Variants in MERTK observed in about 807,000 individuals in gnomAD.
MERTK encodes the protein MER proto-oncogene, tyrosine kinase.
In MERTK, 69 loss-of-function variants were observed where a neutral mutation model predicts 99.3. The ratio of observed to expected loss-of-function variants is 0.70; its 90% confidence interval spans 0.57 to 0.85. The LOEUF is 0.85. MERTK is among the 40% of genes least tolerant of loss of function. The pLI, the probability that MERTK is intolerant of heterozygous loss-of-function variation, is 0.00. For missense variants in MERTK, 1,125 were observed against 1,249.4 expected (o/e 0.90, Z 1.50); for synonymous variants, 426 against 467.6 (o/e 0.91, Z 1.15).
rs1459219486 is a variant in MERTK at position 111,994,245 on chromosome 2, C to T, written c.1297-6C>T. The T allele has an allele frequency of 1.2e-6, 2 of 1,613,624 alleles. No homozygotes were observed. The highest frequency in any genetic ancestry group is 2.7e-5 in the African/African-American group (2 of 74,898). On this transcript the variant is annotated splice_polypyrimidine_tract_variant and splice_region_variant and intron_variant, in intron 8 of 18. Coordinates refer to ENST00000295408, the MANE Select transcript of MERTK (RefSeq NM_006343.3). ...TTTCATTTCCTCTCTTCCTCTCTGT[C>T]TCCAGAAAGAGCTCTTGGAGGAAGT...
chr2:111,912,469 A>C (rs1400321), intron 1 of MERTK, among the ~76,000 whole-genome samples: 102,337 of 152,018 alleles, frequency 0.67, 35,546 homozygotes, highest in East Asian at 0.89. Flanking sequence ...ATAGGTATCA[A>C]AACCCCTATC....
chr2:111,907,046 G>A (rs1573560527), intron 1 of MERTK, among the ~76,000 whole-genome samples: 1 of 152,154 alleles, frequency 6.6e-6, no homozygotes, highest in Non-Finnish European at 1.5e-5. Flanking sequence ...AGCCCTGTGC[G>A]TGACTCTCGG....
intron 2 of MERTK, among the ~76,000 whole-genome samples, chr2:111,944,291 CAG>C (rs1684916958): frequency 1.0e-5 from 1 of 99,338 alleles, no homozygotes; most frequent in Non-Finnish European, 1.8e-5. Context: ...CAGAGTGAGA[CAG>C]AATCTGTCTC....
chr2:111,961,156 C>CTTTTTTTTTTTTTTTTTT (rs1052197732), intron 4 of MERTK, among the ~76,000 whole-genome samples: 1 of 98,082 alleles, frequency 1.0e-5, no homozygotes, highest in Non-Finnish European at 2.0e-5. Flanking sequence ...AATTTTCTTT[C>CTTTTTTTTTTTTTTTTTT]TTTTTTTTTT....
At chr2:111,973,246 G>A (rs1306690494) in intron 6 of MERTK, among the ~76,000 whole-genome samples, 2 of 152,084 alleles carry the variant, frequency 1.3e-5, no homozygotes, top group African/African-American at 2.4e-5. Flanking sequence ...GAAGTGGGGC[G>A]GGGAGGAGAG....
At chr2:111,944,770 T>C (rs968868742) in intron 2 of MERTK, among the ~76,000 whole-genome samples, 190 bp from the exon 3 acceptor site, 3 of 152,186 alleles carry the variant, frequency 2.0e-5, no homozygotes, top group Non-Finnish European at 4.4e-5. Context: ...GCTAGTGACA[T>C]GTGAAAAGTA....
At chr2:111,974,226 T>TAAAAA (rs71385852) in intron 6 of MERTK, among the ~76,000 whole-genome samples, 1 of 58,160 alleles carries the variant, frequency 1.7e-5, no homozygotes, top group African/African-American at 7.1e-5. Flanking sequence ...CCACCTCTAC[T>TAAAAA]AAAAAAAAAA....
At chr2:111,913,663 C>T (rs1463637093) in intron 1 of MERTK, among the ~76,000 whole-genome samples, 1 of 152,168 alleles carries the variant, frequency 6.6e-6, no homozygotes, top group Non-Finnish European at 1.5e-5. Context: ...TGTGCCTCAG[C>T]CTCTGGAGTA....
chr2:111,978,443 C>A (rs2104736956), intron 7 of MERTK, among the ~76,000 whole-genome samples: 1 of 145,312 alleles, frequency 6.9e-6, no homozygotes, highest in Admixed American at 6.8e-5. Context: ...CCACACCCAG[C>A]ATGTTTTTTG....
chr2:111,956,254 T>C (rs1685146924), intron 4 of MERTK, among the ~76,000 whole-genome samples: 1 of 152,168 alleles, frequency 6.6e-6, no homozygotes, highest in African/African-American at 2.4e-5. Flanking sequence ...ACATAAAACA[T>C]TTATGAGGTT....
At chr2:112,002,693 G>A (rs1209256576) in intron 11 of MERTK, among the ~76,000 whole-genome samples, 1 of 152,170 alleles carries the variant, frequency 6.6e-6, no homozygotes, top group Non-Finnish European at 1.5e-5. Flanking sequence ...GAAAAAAGGG[G>A]CCGGCTATGG....
chr2:112,019,338 C>CA (rs1400800200), intron 15 of MERTK, 75 bp from the exon 16 acceptor site: 3 of 1,059,620 alleles, frequency 2.8e-6, no homozygotes, highest in African/African-American at 3.1e-5. Context: ...GCATCCTTTC[C>CA]CCCCCCGGCA....
intron 1 of MERTK, among the ~76,000 whole-genome samples, chr2:111,926,313 G>A (rs965235024): frequency 3.9e-5 from 6 of 152,056 alleles, no homozygotes; most frequent in Admixed American, 2.6e-4. Flanking sequence ...TTTAAATGGG[G>A]GAAAAAAGTG....
At chr2:111,951,248 T>C (rs1685049333) in intron 4 of MERTK, among the ~76,000 whole-genome samples, 1 of 152,002 alleles carries the variant, frequency 6.6e-6, no homozygotes, top group South Asian at 2.1e-4. Context: ...TTAACTGTGC[T>C]GTACATTAGA....
intron 8 of MERTK, 131 bp from the exon 9 acceptor site, chr2:111,994,120 G>T: frequency 9.6e-7 from 1 of 1,046,500 alleles, no homozygotes; most frequent in Non-Finnish European, 1.5e-6. Context: ...AGTGACAAAG[G>T]AATGCTGTGG....
intron 15 of MERTK, among the ~76,000 whole-genome samples, chr2:112,014,001 T>C (rs532539720): frequency 3.3e-5 from 5 of 151,176 alleles, no homozygotes; most frequent in Non-Finnish European, 7.4e-5. Context: ...ATTACAGGCA[T>C]GCGCTATCAT....
At chr2:111,997,012 TGA>T in intron 9 of MERTK, 1 of 380,638 alleles carries the variant, frequency 2.6e-6, no homozygotes, top group Non-Finnish European at 4.9e-6. Flanking sequence ...TATAATGACA[TGA>T]GTTTTCTCAT....
intron 4 of MERTK, among the ~76,000 whole-genome samples, chr2:111,949,245 G>A (rs1685013590): frequency 6.6e-6 from 1 of 151,948 alleles, no homozygotes; most frequent in Non-Finnish European, 1.5e-5. Context: ...GGGTCTCCTT[G>A]TCTAGCTTCT....
Position 111,923,106 on chromosome 2 carries a change from G to A in MERTK, c.62-6014G>A, listed in dbSNP as rs570136397. Among the ~76,000 whole-genome samples, 11 of 152,228 alleles carry A rather than the reference G, an allele frequency of 7.2e-5. No homozygotes were observed. The South Asian group carries it at 2.3e-3, about 32-fold the overall frequency. On this transcript the variant is annotated intron_variant, in intron 1 of 18. Coordinates refer to ENST00000295408, the MANE Select transcript of MERTK (RefSeq NM_006343.3). Reference sequence around the variant, plus strand: ...TGCTCACCCTTCAGGACCTCTGCACGTCACACCCGTTTATTCTGTAAATGT... The same window carrying A: ...TGCTCACCCTTCAGGACCTCTGCACATCACACCCGTTTATTCTGTAAATGT...
Sources: allele counts gnomAD v4.1 joint callset (sites outside exome capture counted in the v4.1 genomes callset), GRCh38; gene constraint gnomAD v4.1.1; transcripts MANE v1.5; gene names NCBI Gene and HGNC (gene_info 2026-07-23, HGNC 2026-07-21).